The following PLCB1 variants were observed in gnomAD, a reference collection of about 807,000 sequenced individuals.
PLCB1 encodes 1-phosphatidylinositol 4,5-bisphosphate phosphodiesterase beta-1.
Under a neutral mutation model 161.8 loss-of-function variants are expected in PLCB1, and 46 were observed. The ratio of observed to expected loss-of-function variants is 0.28; its 90% CI spans 0.22 to 0.36. The LOEUF is 0.36. Among genes scored for constraint, PLCB1 ranks in the 10% least tolerant of loss-of-function variants. The pLI is 1.00. For synonymous variants in PLCB1, 517 were observed against 503.7 expected (o/e 1.03, Z -0.35); for missense variants, 1,016 against 1,472.5 (o/e 0.69, Z 5.07).
chr20:8,491,678 G>C (rs1600104605), intron 3 of PLCB1, among the ~76,000 whole-genome samples: 1 of 152,140 alleles, frequency 6.6e-6, no homozygotes, highest in African/African-American at 2.4e-5. Flanking sequence ...GCTCTCTGAA[G>C]CTGTTTTCCA....
At position 8,733,678 on chromosome 20, in the gene PLCB1, C is replaced by T. The variant is rs6056046; in HGVS notation, c.2043+286C>T. Among the ~76,000 whole-genome samples the T allele has an allele frequency of 0.38, 57,173 of 149,480 alleles. 11,335 individuals carry two copies. Among genetic ancestry groups the T allele is most frequent in the East Asian group, 0.53 (2,679 of 5,026 alleles). On this transcript the variant is annotated intron_variant, in intron 19 of 31. Coordinates refer to ENST00000338037, the MANE Select transcript of PLCB1 (RefSeq NM_015192.4). The stretch of plus-strand genomic sequence containing the variant: ...CGGGGAGGGATAGCATTAGGAGATA[C>T]ACCTAATGCTAAATGACGAGTTAAT...
chr20:8,191,134 T>C (rs982133647), intron 2 of PLCB1, among the ~76,000 whole-genome samples: 4 of 152,024 alleles, frequency 2.6e-5, no homozygotes, highest in African/African-American at 7.2e-5. Context: ...TCTTATTTTT[T>C]ATTTTTTATT....
chr20:8,683,800 G>A (rs1990278995), intron 9 of PLCB1, among the ~76,000 whole-genome samples: 1 of 151,958 alleles, frequency 6.6e-6, no homozygotes, highest in African/African-American at 2.4e-5. Context: ...CTTTTTTCAT[G>A]AGCATTCAAA....
At chr20:8,727,193 T>C in intron 16 of PLCB1, 116 bp from the exon 17 acceptor site, 2 of 545,720 alleles carry the variant, frequency 3.7e-6, no homozygotes, top group South Asian at 5.4e-5. Context: ...ACATTGAGGA[T>C]TATTTGCCCT....
At chr20:8,426,362 G>A (rs1337419201) in intron 3 of PLCB1, among the ~76,000 whole-genome samples, 3 of 152,136 alleles carry the variant, frequency 2.0e-5, no homozygotes, top group African/African-American at 7.2e-5. Context: ...CACTCTGTTC[G>A]CAGAAAACCG....
chr20:8,649,394 C>T lies in PLCB1; in HGVS notation c.539C>T (p.Ala180Val). 2 of 1,613,420 alleles carry T rather than the reference C, an allele frequency of 1.2e-6. No individual in the cohort carries two copies. Among genetic ancestry groups the T allele is most frequent in the Non-Finnish European group, 1.7e-6 (2 of 1,179,386 alleles). Reference protein sequence around the residue: ...PLKNIYRLFSADRKRVETALE... With the variant: ...PLKNIYRLFSVDRKRVETALE... ...CACAGCATATATCGCTTGTTTTCAG[C>T]AGATCGGAAGCGAGTTGAAACTGCT... is the stretch of plus-strand genomic sequence containing the variant. The change falls in exon 7 of 32, where the codon GCA (alanine) becomes GTA (valine). Residue 180 changes from alanine (A) to valine (V), a missense_variant. Transcript: ENST00000338037.
At chr20:8,605,553 A>G (rs1385145438) in intron 3 of PLCB1, among the ~76,000 whole-genome samples, 1 of 147,186 alleles carries the variant, frequency 6.8e-6, no homozygotes, top group Non-Finnish European at 1.5e-5. Flanking sequence ...TTGTTCTTCC[A>G]GTTTATTGTA....
intron 31 of PLCB1, among the ~76,000 whole-genome samples, chr20:8,864,322 A>G (rs1286309205): frequency 1.3e-5 from 2 of 152,192 alleles, no homozygotes; most frequent in Non-Finnish European, 2.9e-5. Flanking sequence ...TTTGTGTTAC[A>G]TTTGTATGTT....
intron 31 of PLCB1, among the ~76,000 whole-genome samples, chr20:8,838,656 G>A (rs6077436): frequency 0.32 from 48,375 of 151,750 alleles, 8,611 homozygotes; most frequent in East Asian, 0.63. Context: ...ACGAAAAGCA[G>A]TACCACATTC....
At chr20:8,807,057 T>C (rs1217692416) in intron 31 of PLCB1, among the ~76,000 whole-genome samples, 1 of 152,194 alleles carries the variant, frequency 6.6e-6, no homozygotes, top group East Asian at 1.9e-4. Flanking sequence ...TTGAAGATCT[T>C]TAAATGCGGA....
intron 3 of PLCB1, among the ~76,000 whole-genome samples, chr20:8,473,215 A>G (rs144494884): frequency 2.4e-3 from 372 of 152,290 alleles, no homozygotes; most frequent in African/African-American, 8.8e-3. Context: ...CTTGACATAC[A>G]CTGCTGAATA....
chr20:8,741,639 G>A (rs772463337), intron 23 of PLCB1, 66 bp downstream of exon 23: 9 of 1,008,046 alleles, frequency 8.9e-6, no homozygotes, highest in African/African-American at 4.8e-5. Context: ...TGTTGGCTTT[G>A]CCTAAGTAAT....
chr20:8,406,043 A>T (rs1273123088), intron 3 of PLCB1, among the ~76,000 whole-genome samples: 2 of 151,656 alleles, frequency 1.3e-5, no homozygotes, highest in African/African-American at 4.9e-5. Context: ...GCTTGTTAAC[A>T]TTTACCAGCC....
At chr20:8,839,524 T>C (rs1159196506) in intron 31 of PLCB1, among the ~76,000 whole-genome samples, 1 of 152,114 alleles carries the variant, frequency 6.6e-6, no homozygotes, top group Non-Finnish European at 1.5e-5. Flanking sequence ...TTATGTGTCA[T>C]GTCCCAATAA....
At chr20:8,536,107 G>A (rs1405246898) in intron 3 of PLCB1, among the ~76,000 whole-genome samples, 1 of 152,122 alleles carries the variant, frequency 6.6e-6, no homozygotes, top group Non-Finnish European at 1.5e-5. Context: ...GAAAAAGAAT[G>A]TGATGAGAAA....
intron 3 of PLCB1, among the ~76,000 whole-genome samples, chr20:8,578,011 G>A (rs1197508206): frequency 3.9e-5 from 6 of 152,026 alleles, no homozygotes; most frequent in Admixed American, 3.3e-4. Flanking sequence ...CAGCCCATAG[G>A]GATCTCTTTC....
At chr20:8,233,355 A>G (rs189421929) in intron 2 of PLCB1, among the ~76,000 whole-genome samples, 3 of 152,146 alleles carry the variant, frequency 2.0e-5, no homozygotes, top group Admixed American at 6.6e-5. Context: ...GAGAAAGACA[A>G]TAAGAATGAA....
At chr20:8,742,278 A>G (rs1256910321) in intron 23 of PLCB1, among the ~76,000 whole-genome samples, 2 of 152,108 alleles carry the variant, frequency 1.3e-5, no homozygotes, top group Non-Finnish European at 1.5e-5. Context: ...AAAATTTGCT[A>G]TTTTCATATT....
chr20:8,802,154 ACCACCG>A, intron 31 of PLCB1: 1 of 1,604,142 alleles, frequency 6.2e-7, no homozygotes, highest in South Asian at 1.1e-5. Flanking sequence ...TCAAGTGGTG[ACCACCG>A]TCCTTCCGGC....
Sources: allele counts gnomAD v4.1 joint callset (sites outside exome capture counted in the v4.1 genomes callset), GRCh38; gene constraint gnomAD v4.1.1; transcripts MANE v1.5; gene names NCBI Gene and HGNC (gene_info 2026-07-23, HGNC 2026-07-21).